The following ABCA1 variants were observed in gnomAD, a reference collection of about 807,000 sequenced individuals.
The protein encoded by ABCA1 is phospholipid-transporting ATPase ABCA1.
In ABCA1, 133 loss-of-function variants were observed where a neutral mutation model predicts 262.5. That is an observed-to-expected ratio of 0.51 (90% CI 0.44 to 0.59). The LOEUF is 0.59. Among genes scored for constraint, ABCA1 ranks in the 20% least tolerant of loss-of-function variants. The pLI, the probability that ABCA1 is intolerant of heterozygous loss-of-function variation, is 0.00. For missense variants in ABCA1, 2,452 were observed against 2,777.5 expected (o/e 0.88, Z 2.63); for synonymous variants, 1,022 against 1,043.5 (o/e 0.98, Z 0.40).
At chr9:104,914,138 A>G (rs1393869040) in intron 1 of ABCA1, among the ~76,000 whole-genome samples, 1 of 151,672 alleles carries the variant, frequency 6.6e-6, no homozygotes, top group Non-Finnish European at 1.5e-5. Context: ...TTTCCTGTCC[A>G]TCCCATTTCC....
chr9:104,921,364 T>G (rs371880475), intron 1 of ABCA1, among the ~76,000 whole-genome samples: 30 of 152,334 alleles, frequency 2.0e-4, no homozygotes, highest in African/African-American at 7.2e-4. Flanking sequence ...ATGAAGTTAC[T>G]GTTTTTTAAA....
At chr9:104,804,976 CT>C (rs1830643522) in intron 31 of ABCA1, among the ~76,000 whole-genome samples, 1 of 152,156 alleles carries the variant, frequency 6.6e-6, no homozygotes, top group Admixed American at 6.5e-5. Context: ...AAATGAGATT[CT>C]TTGTAGTCAA....
At chr9:104,875,851 A>G (rs978221056) in intron 5 of ABCA1, among the ~76,000 whole-genome samples, 4 of 152,170 alleles carry the variant, frequency 2.6e-5, no homozygotes, top group African/African-American at 9.7e-5. Context: ...CGCGGTGTGT[A>G]TGTACCCCCA....
intron 20 of ABCA1, among the ~76,000 whole-genome samples, chr9:104,820,635 CT>C (rs1564129011): frequency 2.0e-5 from 3 of 152,190 alleles, no homozygotes; most frequent in Non-Finnish European, 4.4e-5. Flanking sequence ...CCCTGGGGGC[CT>C]TATGGCTGAT....
chr9:104,870,159 T>C (rs932649593), intron 5 of ABCA1, among the ~76,000 whole-genome samples: 1 of 152,212 alleles, frequency 6.6e-6, no homozygotes, highest in Non-Finnish European at 1.5e-5. Flanking sequence ...ACCATAACTT[T>C]AGGAACCACA....
intron 8 of ABCA1, among the ~76,000 whole-genome samples, chr9:104,844,414 G>A (rs533131110): frequency 5.3e-5 from 8 of 152,048 alleles, no homozygotes; most frequent in Middle Eastern, 3.4e-3. Flanking sequence ...TCAGAAACAC[G>A]TGAGCAGAAT....
At chr9:104,796,946 C>T (rs1186434258) in intron 37 of ABCA1, among the ~76,000 whole-genome samples, 1 of 152,174 alleles carries the variant, frequency 6.6e-6, no homozygotes, top group Non-Finnish European at 1.5e-5. Context: ...AAAGACTTGA[C>T]GATAGGACAA....
In ABCA1 at chr9:104,822,479, C is replaced by G. The variant is rs1377055174; in HGVS notation, c.2828+17G>C. On this transcript the variant is annotated intron_variant, in intron 19 of 49. Transcript: ENST00000374736. The stretch of plus-strand genomic sequence containing the variant: ...CCTCCTGTGGCTGATTCTGCGGGAA[C>G]CACACCCTCTTCTTACATGGTGGTC... 6.2e-7 allele frequency: 1 copy of G among 1,612,692 alleles called. No homozygotes were observed. Among genetic ancestry groups the G allele is most frequent in the Non-Finnish European group, 8.5e-7 (1 of 1,179,884 alleles).
At chr9:104,862,639 C>A (rs533469993) in intron 5 of ABCA1, among the ~76,000 whole-genome samples, 1 of 5,384 alleles carries the variant, frequency 1.9e-4, no homozygotes, top group African/African-American at 5.1e-4. Context: ...ACTGCCGGGC[C>A]GGGCCGGGCC....
Position 104,784,207 on chromosome 9 carries a change from AC to A in ABCA1, c.*107del. Reference sequence around the variant, plus strand: ...ATAGTATCAGTACAGTATCCAGTTTACTTCTTCCCACATCAACTTCTGGCTC... The same window carrying A: ...ATAGTATCAGTACAGTATCCAGTTTATTCTTCCCACATCAACTTCTGGCTC... On this transcript the variant is annotated 3_prime_UTR_variant, in exon 50 of 50. Transcript: ENST00000374736. 7.1e-7 allele frequency: 1 copy of A among 1,405,880 alleles called. No homozygotes were observed. Among genetic ancestry groups the A allele is most frequent in the Non-Finnish European group, 1.0e-6 (1 of 999,582 alleles). 87.1% of individuals were successfully genotyped at this position (1,405,880 alleles called of 1,614,324 possible).
intron 7 of ABCA1, among the ~76,000 whole-genome samples, chr9:104,854,779 A>G (rs1303329979): frequency 2.0e-5 from 3 of 152,256 alleles, no homozygotes; most frequent in Non-Finnish European, 4.4e-5. Flanking sequence ...AGCGCACTCC[A>G]TAACAAGTCT....
At chr9:104,882,045 A>AG (rs1838712724) in intron 5 of ABCA1, among the ~76,000 whole-genome samples, 1 of 149,026 alleles carries the variant, frequency 6.7e-6, no homozygotes. Flanking sequence ...AAAAAAAAAA[A>AG]AAAAAAAAAA....
intron 22 of ABCA1, 62 bp from the exon 23 acceptor site, chr9:104,818,945 G>A (rs1414031401): frequency 6.9e-7 from 1 of 1,451,656 alleles, no homozygotes; most frequent in African/African-American, 1.4e-5. Context: ...ATTTGTCACA[G>A]TGACAGGGAC....
At chr9:104,913,683 T>C (rs1287453926) in intron 1 of ABCA1, among the ~76,000 whole-genome samples, 1 of 152,226 alleles carries the variant, frequency 6.6e-6, no homozygotes, top group East Asian at 1.9e-4. Context: ...AAACCCCCTC[T>C]TGGGGGTCCT....
At chr9:104,825,294 C>T (rs1729530923) in intron 17 of ABCA1, among the ~76,000 whole-genome samples, 2 of 152,204 alleles carry the variant, frequency 1.3e-5, no homozygotes, top group African/African-American at 2.4e-5. Context: ...CCCAGTGTAA[C>T]CGAAGTGGAT....
At chr9:104,844,640 A>C (rs900015568) in intron 8 of ABCA1, among the ~76,000 whole-genome samples, 6 of 152,270 alleles carry the variant, frequency 3.9e-5, no homozygotes, top group African/African-American at 1.4e-4. Context: ...CAAAAAAAGA[A>C]AAACGGATTA....
chr9:104,844,076 C>A (rs911002053), intron 8 of ABCA1, among the ~76,000 whole-genome samples: 5 of 150,942 alleles, frequency 3.3e-5, no homozygotes, highest in Admixed American at 6.6e-5. Flanking sequence ...ACAGCTGTAA[C>A]CAAACCCTGA....
intron 13 of ABCA1, among the ~76,000 whole-genome samples, chr9:104,831,326 T>C (rs929150841): frequency 2.0e-5 from 3 of 151,806 alleles, no homozygotes; most frequent in African/African-American, 7.3e-5. Context: ...CAAGCAATTC[T>C]CCTGCCTCAG....
intron 2 of ABCA1, among the ~76,000 whole-genome samples, chr9:104,892,117 G>C (rs2118352056): frequency 6.6e-6 from 1 of 151,660 alleles, no homozygotes; most frequent in East Asian, 1.9e-4. Context: ...TGCATAGACG[G>C]CACAACAGAA....
Sources: allele counts gnomAD v4.1 joint callset (sites outside exome capture counted in the v4.1 genomes callset), GRCh38; gene constraint gnomAD v4.1.1; transcripts MANE v1.5; gene names NCBI Gene and HGNC (gene_info 2026-07-23, HGNC 2026-07-21).